EXOC6B: variants seen among roughly 807,000 people sequenced by gnomAD.
EXOC6B encodes exocyst complex component 6B, also known as SEC15 homolog B.
In EXOC6B, 54 loss-of-function variants were observed where a neutral mutation model predicts 113.5. That is an observed-to-expected ratio of 0.48 (90% CI 0.38 to 0.60). The LOEUF (loss-of-function observed/expected upper bound fraction) is 0.60. EXOC6B is among the 20% of genes least tolerant of loss of function. The probability of loss-of-function intolerance (pLI) is 0.00; values close to 1 mark genes in which losing one functional copy is unlikely to be tolerated. For synonymous variants in EXOC6B, 357 were observed against 339.0 expected (o/e 1.05, Z -0.58); for missense variants, 797 against 977.5 (o/e 0.82, Z 2.46).
intron 6 of EXOC6B, among the ~76,000 whole-genome samples, chr2:72,600,533 G>A (rs1670359218): frequency 6.6e-6 from 1 of 151,116 alleles, no homozygotes; most frequent in Non-Finnish European, 1.5e-5. Flanking sequence ...ACAGAATACT[G>A]AGTCTAGAAA....
At chr2:72,771,530 C>T (rs2104947628) in intron 1 of EXOC6B, among the ~76,000 whole-genome samples, 1 of 152,172 alleles carries the variant, frequency 6.6e-6, no homozygotes, top group East Asian at 1.9e-4. Context: ...TGAAGATTAT[C>T]CCAATAATGC....
At chr2:72,570,863 T>C (rs1704473018) in intron 7 of EXOC6B, among the ~76,000 whole-genome samples, 1 of 152,192 alleles carries the variant, frequency 6.6e-6, no homozygotes, top group Non-Finnish European at 1.5e-5. Context: ...GATCAACTTA[T>C]AGTTCACCTT....
intron 18 of EXOC6B, among the ~76,000 whole-genome samples, chr2:72,397,406 G>A (rs1692794612): frequency 6.6e-6 from 1 of 151,866 alleles, no homozygotes; most frequent in African/African-American, 2.4e-5. Context: ...GGATCATGAG[G>A]TCAGGAGATC....
chr2:72,404,478 C>T (rs893232779), intron 18 of EXOC6B, among the ~76,000 whole-genome samples: 1 of 152,162 alleles, frequency 6.6e-6, no homozygotes, highest in Admixed American at 6.5e-5. Context: ...AGACTGACAC[C>T]TCACATGGCC....
intron 8 of EXOC6B, among the ~76,000 whole-genome samples, chr2:72,527,233 A>G (rs1041976580): frequency 6.6e-6 from 1 of 152,020 alleles, no homozygotes; most frequent in Non-Finnish European, 1.5e-5. Flanking sequence ...AGTTGCAAAA[A>G]ATCCAGTTAC....
At chr2:72,196,827 A>T (rs975701057) in intron 20 of EXOC6B, among the ~76,000 whole-genome samples, 1 of 152,208 alleles carries the variant, frequency 6.6e-6, no homozygotes, top group Non-Finnish European at 1.5e-5. Context: ...AAATTTAACG[A>T]GCCACTTCAA....
At chr2:72,451,169 G>C (rs1213685383) in intron 18 of EXOC6B, among the ~76,000 whole-genome samples, 1 of 152,124 alleles carries the variant, frequency 6.6e-6, no homozygotes, top group African/African-American at 2.4e-5. Flanking sequence ...AGAATCCTTA[G>C]ATTTTACATA....
Position 72,668,640 on chromosome 2 carries a change from A to G in EXOC6B, c.669+49463T>C, listed in dbSNP as rs534361829. 3.3e-5 allele frequency among the ~76,000 whole-genome samples: 5 copies of G among 152,336 alleles called. No homozygotes were observed. In the South Asian group the frequency reaches 1.0e-3, roughly 32 times the overall value. On this transcript the variant is annotated intron_variant, in intron 6 of 21. Coordinates refer to ENST00000272427, the MANE Select transcript of EXOC6B (RefSeq NM_015189.3). ...AGCATCATGGACACAGCTAAAAGCC[A>G]TTATCCTAAGTAAACTAATGCAAAA... is the stretch of plus-strand genomic sequence containing the variant.
chr2:72,228,490 T>C (rs1681393918), intron 20 of EXOC6B, among the ~76,000 whole-genome samples: 1 of 150,470 alleles, frequency 6.6e-6, no homozygotes. Context: ...ATTGTTCAAT[T>C]CCCACCTATG....
intron 6 of EXOC6B, among the ~76,000 whole-genome samples, chr2:72,599,219 G>A (rs990851497): frequency 1.3e-5 from 2 of 151,998 alleles, no homozygotes; most frequent in East Asian, 1.9e-4. Flanking sequence ...AACAAGTAAG[G>A]CTTGTTATAG....
intron 20 of EXOC6B, among the ~76,000 whole-genome samples, chr2:72,224,819 T>TGCGCGC (rs374010260): frequency 0.037 from 5,628 of 150,182 alleles, 129 homozygotes; most frequent in Non-Finnish European, 0.051. Flanking sequence ...TGTGTGTGTG[T>TGCGCGC]GCGTGTGTGT....
At chr2:72,404,168 G>T (rs973849230) in intron 18 of EXOC6B, among the ~76,000 whole-genome samples, 5 of 152,144 alleles carry the variant, frequency 3.3e-5, no homozygotes, top group Non-Finnish European at 7.4e-5. Context: ...GGGGAGGGGC[G>T]CCCACCATTG....
At chr2:72,720,797 G>C (rs1679951059) in intron 5 of EXOC6B, among the ~76,000 whole-genome samples, 1 of 151,622 alleles carries the variant, frequency 6.6e-6, no homozygotes, top group Non-Finnish European at 1.5e-5. Context: ...AGCTGAAATG[G>C]CTGTATTAAT....
chr2:72,446,561 G>A (rs1315877636), intron 18 of EXOC6B, among the ~76,000 whole-genome samples: 1 of 152,114 alleles, frequency 6.6e-6, no homozygotes, highest in East Asian at 1.9e-4. Context: ...GTAAGTGGGA[G>A]ATAAATGACA....
At chr2:72,581,464 CAAAT>C (rs1411251953) in intron 6 of EXOC6B, among the ~76,000 whole-genome samples, 1 of 152,178 alleles carries the variant, frequency 6.6e-6, no homozygotes, top group Non-Finnish European at 1.5e-5. Context: ...TATTTTAAAA[CAAAT>C]AAATAGACAA....
chr2:72,216,006 C>G (rs1680508962), intron 20 of EXOC6B, among the ~76,000 whole-genome samples: 1 of 151,874 alleles, frequency 6.6e-6, no homozygotes, highest in South Asian at 2.1e-4. Flanking sequence ...ACAAAAAACC[C>G]TTGTATCTAT....
intron 6 of EXOC6B, among the ~76,000 whole-genome samples, chr2:72,668,164 A>G (rs11684985): frequency 0.89 from 135,313 of 152,210 alleles, 60,194 homozygotes; most frequent in East Asian, 0.99. Flanking sequence ...AACATCTCAC[A>G]TATCAATACT....
chr2:72,583,412 A>C (rs1330171409), intron 6 of EXOC6B, among the ~76,000 whole-genome samples: 1 of 152,238 alleles, frequency 6.6e-6, no homozygotes, highest in African/African-American at 2.4e-5. Flanking sequence ...TCAACACACT[A>C]TCCAAGGTCA....
chr2:72,297,329 TTTTTCCTGTTCCTCTCCCTCCTCA>T (rs1229031560), intron 20 of EXOC6B, among the ~76,000 whole-genome samples: 20 of 152,248 alleles, frequency 1.3e-4, no homozygotes, highest in Admixed American at 4.6e-4. Flanking sequence ...AATAGTTGTT[TTTTTCCTGTTCCTCTCCCTCCTCA>T]TTTTCCTGTT....
Sources: gnomAD v4.1 joint callset for allele counts (sites outside exome capture counted in the v4.1 genomes callset) on GRCh38, gnomAD v4.1.1 for gene constraint, MANE v1.5 for transcripts, NCBI Gene and HGNC (gene_info 2026-07-23, HGNC 2026-07-21) for gene names.